The following TBC1D22B variants were observed in gnomAD, a reference collection of about 807,000 sequenced individuals.
TBC1D22B encodes the protein chromosome 6 open reading frame 197.
A neutral mutation model predicts 69.1 loss-of-function variants in TBC1D22B; 32 were observed. That is an observed-to-expected ratio of 0.46 (90% CI 0.35 to 0.62). TBC1D22B has a LOEUF of 0.62. Ranked by LOEUF, TBC1D22B falls within the 20% of genes least tolerant of loss-of-function variation. The pLI is 0.00. For missense variants in TBC1D22B, 462 were observed against 630.9 expected (o/e 0.73, Z 2.87); for synonymous variants, 206 against 229.8 (o/e 0.90, Z 0.94).
intron 8 of TBC1D22B, among the ~76,000 whole-genome samples, chr6:37,305,610 C>T (rs1346741191): frequency 2.0e-5 from 3 of 151,936 alleles, no homozygotes; most frequent in South Asian, 2.1e-4. Flanking sequence ...CTCTGCCTCC[C>T]GGGTTCACGC....
intron 8 of TBC1D22B, among the ~76,000 whole-genome samples, chr6:37,307,819 C>G (rs1767783005): frequency 6.6e-6 from 1 of 152,190 alleles, no homozygotes; most frequent in Non-Finnish European, 1.5e-5. Context: ...ATCATGCTGG[C>G]CCACCAGATC....
At chr6:37,268,132 C>T (rs538894183) in intron 1 of TBC1D22B, among the ~76,000 whole-genome samples, 2 of 152,176 alleles carry the variant, frequency 1.3e-5, no homozygotes, top group Non-Finnish European at 2.9e-5. Flanking sequence ...CACATTTTCC[C>T]TGAGTTCTTA....
chr6:37,275,958 CTTTTTTTCTTTTT>C (rs1215605450), intron 2 of TBC1D22B, among the ~76,000 whole-genome samples: 9 of 144,204 alleles, frequency 6.2e-5, no homozygotes, highest in Non-Finnish European at 1.5e-5. Flanking sequence ...TCATTCTTTT[CTTTTTTTCTTTTT>C]TTTTTTTTTT....
rs558936009 is a variant in TBC1D22B at position 37,327,396 on chromosome 6, T to C, written c.1390-3648T>C. Reference sequence around the variant, plus strand: ...GGGAGGCTGAGGCAGGAGAATGGCGTGAACCCGGGAGGCGGAGCTTGCAGT... The same window carrying C: ...GGGAGGCTGAGGCAGGAGAATGGCGCGAACCCGGGAGGCGGAGCTTGCAGT... On this transcript the variant is annotated intron_variant, in intron 12 of 12. Transcript: ENST00000373491. 3.3e-3 allele frequency among the ~76,000 whole-genome samples: 322 copies of C among 96,508 alleles called. 17 individuals are homozygous for C. The highest frequency in any genetic ancestry group is 4.8e-3 in the Non-Finnish European group (261 of 54,052). The allele number at this position is 96,508 out of a possible 152,430, so 63.3% of individuals were successfully genotyped here.
chr6:37,282,706 C>T lies in TBC1D22B; in HGVS notation c.602-176C>T, dbSNP rs1336311496. On this transcript the variant is annotated intron_variant, in intron 4 of 12. Coordinates refer to ENST00000373491, the MANE Select transcript of TBC1D22B (RefSeq NM_017772.4). ...GCTGACAGGACTGCTACTGCAAGGC[C>T]GTGTCCTTGGCACTTAGCTGCTCGG... Among the ~76,000 whole-genome samples, 6 of 152,158 alleles carry T rather than the reference C, an allele frequency of 3.9e-5. No individual in the cohort carries two copies. In the East Asian group the frequency reaches 5.8e-4, roughly 15 times the overall value.
intron 8 of TBC1D22B, among the ~76,000 whole-genome samples, chr6:37,293,638 G>A (rs974323575): frequency 6.6e-6 from 1 of 152,072 alleles, no homozygotes; most frequent in African/African-American, 2.4e-5. Flanking sequence ...AGTGTTCAAG[G>A]GAAAGGAAGA....
chr6:37,305,993 G>A (rs1767706845), intron 8 of TBC1D22B, among the ~76,000 whole-genome samples: 1 of 152,208 alleles, frequency 6.6e-6, no homozygotes, highest in Non-Finnish European at 1.5e-5. Context: ...AGATGAAGCA[G>A]CCTCCCATGT....
intron 12 of TBC1D22B, among the ~76,000 whole-genome samples, chr6:37,328,809 C>A (rs955473092): frequency 6.6e-6 from 1 of 152,022 alleles, no homozygotes. Context: ...TCACTGCAAC[C>A]TCCGCCTCCC....
At chr6:37,317,786 G>A (rs985526338) in intron 12 of TBC1D22B, among the ~76,000 whole-genome samples, 1 of 152,168 alleles carries the variant, frequency 6.6e-6, no homozygotes, top group African/African-American at 2.4e-5. Flanking sequence ...CCTGGGGAAG[G>A]TGAAGGAGCA....
intron 2 of TBC1D22B, among the ~76,000 whole-genome samples, chr6:37,270,845 G>C (rs552600231): frequency 6.6e-6 from 1 of 152,260 alleles, no homozygotes; most frequent in Non-Finnish European, 1.5e-5. Flanking sequence ...ACAGTCAATA[G>C]GGAAGTAAAG....
intron 12 of TBC1D22B, among the ~76,000 whole-genome samples, chr6:37,323,110 G>A (rs1353512408): frequency 6.6e-6 from 1 of 152,164 alleles, no homozygotes; most frequent in East Asian, 1.9e-4. Flanking sequence ...CAGCAGCGAA[G>A]CCCAGAACAT....
At chr6:37,258,221 T>G in intron 1 of TBC1D22B, 1 of 538,792 alleles carries the variant, frequency 1.9e-6, no homozygotes. Flanking sequence ...AGCGGGAAGG[T>G]GGCCGAAGAT....
At position 37,291,223 on chromosome 6, in the gene TBC1D22B, T is replaced by G. The variant is rs375660288; in HGVS notation, c.868-20T>G. 1 of 1,548,146 alleles carries G rather than the reference T, an allele frequency of 6.5e-7. No homozygotes were observed. Among genetic ancestry groups the G allele is most frequent in the Non-Finnish European group, 8.9e-7 (1 of 1,120,332 alleles). ...GTCCCCGTGATTTAACACTCGTGTC[T>G]TTCTTTCTCATTTTCCTAGATCTTT... On this transcript the variant is annotated intron_variant, in intron 7 of 12. Coordinates refer to ENST00000373491, the MANE Select transcript of TBC1D22B (RefSeq NM_017772.4).
At chr6:37,298,122 C>T (rs924406554) in intron 8 of TBC1D22B, among the ~76,000 whole-genome samples, 3 of 152,106 alleles carry the variant, frequency 2.0e-5, no homozygotes, top group Admixed American at 6.6e-5. Context: ...GTGCAGCAAA[C>T]CACCATGGCA....
intron 8 of TBC1D22B, among the ~76,000 whole-genome samples, chr6:37,291,750 G>A (rs1481619821): frequency 6.6e-6 from 1 of 152,152 alleles, no homozygotes; most frequent in African/African-American, 2.4e-5. Context: ...GCAGGATGTG[G>A]ACGTGCAGAG....
At chr6:37,288,151 T>C (rs1767063645) in intron 7 of TBC1D22B, among the ~76,000 whole-genome samples, 1 of 152,258 alleles carries the variant, frequency 6.6e-6, no homozygotes, top group Non-Finnish European at 1.5e-5. Flanking sequence ...TTTATAATTT[T>C]GTTTAAATAT....
chr6:37,291,468 G>A (rs772568946), intron 8 of TBC1D22B, 111 bp downstream of exon 8: 1 of 755,740 alleles, frequency 1.3e-6, no homozygotes, highest in South Asian at 2.0e-5. Flanking sequence ...CTAGAAAATA[G>A]AGAGTGCCTT....
intron 1 of TBC1D22B, among the ~76,000 whole-genome samples, chr6:37,259,995 ATTGTCTTCG>A (rs1248273715): frequency 6.6e-6 from 1 of 152,154 alleles, no homozygotes; most frequent in African/African-American, 2.4e-5. Flanking sequence ...ACCCCAGCTC[ATTGTCTTCG>A]TTGTTTAAGG....
chr6:37,277,313 G>A (rs999509658), intron 2 of TBC1D22B, among the ~76,000 whole-genome samples: 14 of 152,202 alleles, frequency 9.2e-5, no homozygotes, highest in African/African-American at 2.7e-4. Context: ...ACAGCTGCAT[G>A]TTTGTTCTCG....
Sources: allele counts gnomAD v4.1 joint callset (sites outside exome capture counted in the v4.1 genomes callset), GRCh38; gene constraint gnomAD v4.1.1; transcripts MANE v1.5; gene names NCBI Gene and HGNC (gene_info 2026-07-23, HGNC 2026-07-21).